Variants in PSD3 observed in about 807,000 individuals in gnomAD.
The protein encoded by PSD3 is pleckstrin and Sec7 domain containing 3.
In PSD3, 49 loss-of-function variants were observed where a neutral mutation model predicts 105.5. That is an observed-to-expected ratio of 0.46 (90% CI 0.37 to 0.59). PSD3 has a LOEUF of 0.59. Ranked by LOEUF, PSD3 falls within the 20% of genes least tolerant of loss-of-function variation. The pLI is 0.00. For missense variants in PSD3, 1,561 were observed against 1,263.8 expected (o/e 1.24, Z -3.57); for synonymous variants, 557 against 457.8 (o/e 1.22, Z -2.77).
chr8:18,865,311 A>T (rs1816844908), intron 4 of PSD3: 2 of 67,848 alleles, frequency 2.9e-5, no homozygotes, highest in African/African-American at 4.3e-5. Flanking sequence ...TTTTTTTTTA[A>T]AGGCTATCTG....
At position 18,779,442 on chromosome 8, in the gene PSD3, C is replaced by G. The variant is rs58924748; in HGVS notation, c.2083-13904G>C. ...CCTCTGTATAGCCTTTTTTTCACCT[C>G]TAATTTAGTTCTGCTCTGACTTTAT... On this transcript the variant is annotated intron_variant, in intron 8 of 15. Transcript: ENST00000327040. Among the ~76,000 whole-genome samples the G allele has an allele frequency of 2.6e-3, 389 of 149,310 alleles. 1 individual carries two copies. Among genetic ancestry groups the G allele is most frequent in the African/African-American group, 9.2e-3 (377 of 40,972 alleles).
intron 2 of PSD3, among the ~76,000 whole-genome samples, chr8:18,929,636 C>G (rs1319929440): frequency 2.0e-5 from 3 of 152,124 alleles, no homozygotes; most frequent in African/African-American, 7.2e-5. Flanking sequence ...CTCCACACAG[C>G]CAGAGCAACT....
chr8:19,074,192 C>G (rs1040406153), intron 1 of PSD3, among the ~76,000 whole-genome samples: 1 of 152,178 alleles, frequency 6.6e-6, no homozygotes, highest in Non-Finnish European at 1.5e-5. Flanking sequence ...ACTCCCAGTA[C>G]GGTCTGACCA....
intron 1 of PSD3, among the ~76,000 whole-genome samples, chr8:18,948,961 G>A (rs566038688): frequency 3.3e-5 from 5 of 151,842 alleles, no homozygotes; most frequent in Admixed American, 3.3e-4. Flanking sequence ...AGTGAAACAT[G>A]TAATACCTAG....
Position 18,784,130 on chromosome 8 carries a change from T to C in PSD3, c.2082+15165A>G, listed in dbSNP as rs555417223. 1.5e-4 allele frequency among the ~76,000 whole-genome samples: 23 copies of C among 152,346 alleles called. 1 individual carries two copies. In the South Asian group the frequency reaches 3.5e-3, roughly 23 times the overall value. On this transcript the variant is annotated intron_variant, in intron 8 of 15. Transcript: ENST00000327040. ...GTCCTATCCTTGAGCATTTTTCATG[T>C]ACACTTTAAAGATTACTCTCCTGTC...
chr8:18,895,670 T>G (rs901702305), intron 2 of PSD3, among the ~76,000 whole-genome samples: 1 of 152,200 alleles, frequency 6.6e-6, no homozygotes, highest in Non-Finnish European at 1.5e-5. Context: ...ATTATTACTC[T>G]CAGTTTACAG....
intron 11 of PSD3, among the ~76,000 whole-genome samples, chr8:18,622,934 A>T (rs1032915954): frequency 6.6e-6 from 1 of 152,238 alleles, no homozygotes; most frequent in South Asian, 2.1e-4. Flanking sequence ...CCACAATTAA[A>T]TCTTTCACAT....
At chr8:18,871,563 G>A in intron 3 of PSD3, 63 bp downstream of exon 3, 2 of 1,517,140 alleles carry the variant, frequency 1.3e-6, no homozygotes, top group Non-Finnish European at 8.8e-7. Context: ...TCAAGTACAG[G>A]ATAACAGTTT....
At chr8:18,796,341 T>A (rs1810175503) in intron 8 of PSD3, among the ~76,000 whole-genome samples, 1 of 152,124 alleles carries the variant, frequency 6.6e-6, no homozygotes, top group East Asian at 1.9e-4. Context: ...GCCTAGCCAA[T>A]ACCATCAGAG....
chr8:18,841,263 G>C (rs1814601207), intron 4 of PSD3, among the ~76,000 whole-genome samples: 1 of 152,100 alleles, frequency 6.6e-6, no homozygotes, highest in Non-Finnish European at 1.5e-5. Context: ...GCATGCTCAG[G>C]CACTGCGTGG....
chr8:18,866,692 C>T lies in PSD3; in HGVS notation c.1634+982G>A, dbSNP rs148498183. 1.6e-3 allele frequency among the ~76,000 whole-genome samples: 251 copies of T among 152,160 alleles called. 1 individual carries two copies. Among genetic ancestry groups the T allele is most frequent in the African/African-American group, 5.8e-3 (241 of 41,496 alleles). ...ATTTGCTCATCTAATGAACTATAAA[C>T]CTTCAAACTGGTTATAGAAAATGCT... On this transcript the variant is annotated intron_variant, in intron 4 of 15. Transcript: ENST00000327040.
At chr8:19,074,510 T>C (rs1788959692) in intron 1 of PSD3, among the ~76,000 whole-genome samples, 1 of 150,926 alleles carries the variant, frequency 6.6e-6, no homozygotes, top group Admixed American at 6.6e-5. Flanking sequence ...CATTGTATTG[T>C]TTTCCAAACA....
At chr8:18,726,189 T>C (rs1803322047) in intron 9 of PSD3, among the ~76,000 whole-genome samples, 1 of 152,232 alleles carries the variant, frequency 6.6e-6, no homozygotes, top group Non-Finnish European at 1.5e-5. Flanking sequence ...TGTTTAAAAA[T>C]CATATGAATC....
At chr8:19,057,629 A>G (rs540648685) in intron 1 of PSD3, among the ~76,000 whole-genome samples, 60 of 152,212 alleles carry the variant, frequency 3.9e-4, no homozygotes, top group African/African-American at 1.4e-3. Context: ...CCTGCTAAAC[A>G]TTTGCTTCAT....
intron 12 of PSD3, among the ~76,000 whole-genome samples, chr8:18,579,097 C>CAT: frequency 7.2e-4 from 1 of 1,388 alleles, no homozygotes; most frequent in African/African-American, 1.5e-3. Context: ...GCTCCAAGTC[C>CAT]ACACACACAC....
rs867754784 is a variant in PSD3, at chr8:19,049,713, A to T, written c.324+34493T>A. Among the ~76,000 whole-genome samples, 65 of 150,838 alleles carry T rather than the reference A, an allele frequency of 4.3e-4. 2 individuals are homozygous for T. The Middle Eastern group carries it at 0.014, about 32-fold the overall frequency. On this transcript the variant is annotated intron_variant, in intron 1 of 1. Transcript: ENST00000521475. ...CTCAAAAAAAAAAAAAAAAAAAAAA[A>T]AAAGACAATAGTGAAGATGTCTCTA... is the stretch of plus-strand genomic sequence containing the variant.
Position 19,074,589 on chromosome 8 carries a change from AT to A in PSD3, c.324+9616del, listed in dbSNP as rs1829386753. On this transcript the variant is annotated intron_variant, in intron 1 of 1. Transcript: ENST00000521475. ...AGGTATAATTTTACAACTCAGATAT[AT>A]ACATATATATATATATATATATTTT... 8.6e-4 allele frequency among the ~76,000 whole-genome samples: 10 copies of A among 11,608 alleles called. 1 individual carries two copies. In the East Asian group the frequency reaches 0.023, roughly 27 times the overall value. 7.6% of individuals were successfully genotyped at this position (11,608 alleles called of 152,430 possible). A position where few individuals can be genotyped will look rare whatever the true frequency, so the allele number is the denominator to read the frequency against.
intron 12 of PSD3, among the ~76,000 whole-genome samples, chr8:18,577,546 T>C (rs1802536854): frequency 6.6e-6 from 1 of 152,110 alleles, no homozygotes; most frequent in Non-Finnish European, 1.5e-5. Flanking sequence ...TGTTGTCTGG[T>C]GCATTTAGGT....
At chr8:18,726,476 C>A (rs976815083) in intron 9 of PSD3, among the ~76,000 whole-genome samples, 1 of 152,178 alleles carries the variant, frequency 6.6e-6, no homozygotes, top group Admixed American at 6.5e-5. Flanking sequence ...ATAATCATTA[C>A]GTTATTATAT....
Sources: gnomAD v4.1 joint callset for allele counts (sites outside exome capture counted in the v4.1 genomes callset) on GRCh38, gnomAD v4.1.1 for gene constraint, MANE v1.5 for transcripts, NCBI Gene and HGNC (gene_info 2026-07-23, HGNC 2026-07-21) for gene names.